The following GLT1D1 variants were observed in gnomAD, a reference collection of about 807,000 sequenced individuals.
GLT1D1 encodes the protein glycosyltransferase 1 domain containing 1.
Under a neutral mutation model 28.7 loss-of-function variants are expected in GLT1D1, and 21 were observed. The ratio of observed to expected loss-of-function variants is 0.73; its 90% CI spans 0.52 to 1.05. The LOEUF is 1.05. Ranked by LOEUF, GLT1D1 falls within the 50% of genes least tolerant of loss-of-function variation. The probability of loss-of-function intolerance (pLI) is 0.00; values close to 1 mark genes in which losing one functional copy is unlikely to be tolerated. For synonymous variants in GLT1D1, 147 were observed against 124.8 expected (o/e 1.18, Z -1.19); for missense variants, 343 against 330.6 (o/e 1.04, Z -0.29).
intron 4 of GLT1D1, 79 bp downstream of exon 6, chr12:128,915,068 C>T (rs894794761): frequency 1.9e-5 from 22 of 1,182,992 alleles, no homozygotes; most frequent in Admixed American, 6.6e-5. Context: ...GACGTTCATG[C>T]GGTTTTGAAA....
At chr12:128,908,508 CTTCCTTCTTTCTTTCT>C (rs1365849648) in intron 4 of GLT1D1, among the ~76,000 whole-genome samples, 3 of 142,692 alleles carry the variant, frequency 2.1e-5, no homozygotes, top group Admixed American at 7.4e-5. Flanking sequence ...TCCTTCCATC[CTTCCTTCTTTCTTTCT>C]TTCCTTCTTT....
intron 7 of GLT1D1, among the ~76,000 whole-genome samples, chr12:128,975,455 TA>T (rs201650702): frequency 7.3e-6 from 1 of 136,400 alleles, no homozygotes; most frequent in South Asian, 2.2e-4. Context: ...TTTTGTTTTT[TA>T]TTTTTTTCTT....
rs140057915 is a variant in GLT1D1 at position 128,931,542 on chromosome 12, C to T, written c.376-13784C>T. Among the ~76,000 whole-genome samples the T allele has an allele frequency of 2.1e-3, 305 of 147,476 alleles. 2 individuals carry two copies. Among genetic ancestry groups the T allele is most frequent in the Middle Eastern group, 8.3e-3 (2 of 242 alleles). On this transcript the variant is annotated intron_variant, in intron 4 of 7. Transcript: ENST00000281703. Reference sequence around the variant, plus strand: ...AGGCTGGTCTCGAACTCCTGACCTCCGGTGATCCGCCTGCCTCGGCCTCCC... The same window carrying T: ...AGGCTGGTCTCGAACTCCTGACCTCTGGTGATCCGCCTGCCTCGGCCTCCC...
At chr12:128,855,063 G>A (rs559090703) in intron 1 of GLT1D1, among the ~76,000 whole-genome samples, 1 of 152,052 alleles carries the variant, frequency 6.6e-6, no homozygotes, top group African/African-American at 2.4e-5. Context: ...GAGGAATGAA[G>A]GAGGTGATTT....
intron 4 of GLT1D1, among the ~76,000 whole-genome samples, chr12:128,908,199 GC>G (rs1566122115): frequency 6.6e-6 from 1 of 151,902 alleles, no homozygotes; most frequent in Non-Finnish European, 1.5e-5. Context: ...GTGAGTCCCC[GC>G]GCCTGGCCGG....
chr12:128,908,573 G>T (rs1213996106), intron 4 of GLT1D1, among the ~76,000 whole-genome samples: 1 of 149,178 alleles, frequency 6.7e-6, no homozygotes, highest in Non-Finnish European at 1.5e-5. Flanking sequence ...TACCCAAGGC[G>T]GAAGACTGGC....
intron 1 of GLT1D1, chr12:128,864,075 C>T (rs906159194): frequency 5.0e-6 from 3 of 602,890 alleles, no homozygotes; most frequent in Non-Finnish European, 9.0e-6. Flanking sequence ...CCGCTGTGTG[C>T]ACTGTGGGCA....
At chr12:128,962,165 A>T (rs144785061) in intron 7 of GLT1D1, among the ~76,000 whole-genome samples, 2 of 151,924 alleles carry the variant, frequency 1.3e-5, no homozygotes, top group African/African-American at 4.8e-5. Flanking sequence ...CTTGTGTCCT[A>T]TGGCGGCCCC....
At chr12:128,886,130 A>G (rs965323988) in intron 2 of GLT1D1, among the ~76,000 whole-genome samples, 6 of 151,976 alleles carry the variant, frequency 3.9e-5, no homozygotes, top group African/African-American at 1.5e-4. Context: ...TGTGCCTTTC[A>G]CCTTTTGCCA....
rs183374460 is a variant in GLT1D1 at position 128,855,796 on chromosome 12, A to G, written c.68+2147A>G. Among the ~76,000 whole-genome samples, 209 of 108,456 alleles carry G rather than the reference A, an allele frequency of 1.9e-3. 1 individual carries two copies. The highest frequency in any genetic ancestry group is 6.7e-3 in the African/African-American group (186 of 27,632). The allele number at this position is 108,456 out of a possible 152,430, so 71.2% of individuals were successfully genotyped here. On this transcript the variant is annotated intron_variant, in intron 1 of 7. Transcript: ENST00000281703. ...GAGACAAAGCTTCATTCTTTCGCCC[A>G]GGCTGGAGTGCAATGGCGGGGTCTC...
At chr12:128,869,262 G>A (rs994344265) in intron 1 of GLT1D1, among the ~76,000 whole-genome samples, 4 of 152,276 alleles carry the variant, frequency 2.6e-5, no homozygotes, top group East Asian at 1.9e-4. Flanking sequence ...GTCTTCCAGG[G>A]CTAAAGCCAT....
intron 4 of GLT1D1, 132 bp downstream of exon 4, chr12:128,899,419 T>C (rs1869995749): frequency 1.4e-6 from 1 of 728,304 alleles, no homozygotes. Context: ...TAGTGTATTA[T>C]GTTTCCCATA....
intron 3 of GLT1D1, among the ~76,000 whole-genome samples, chr12:128,894,849 C>A: frequency 6.6e-6 from 1 of 150,732 alleles, no homozygotes; most frequent in East Asian, 1.9e-4. Flanking sequence ...GACTCCATCT[C>A]AAAATAAATA....
intron 7 of GLT1D1, among the ~76,000 whole-genome samples, chr12:128,962,792 C>G (rs373483520): frequency 1.3e-5 from 2 of 152,102 alleles, no homozygotes; most frequent in South Asian, 2.1e-4. Flanking sequence ...ACCTCTGCCT[C>G]CCGGGTTCAA....
intron 1 of GLT1D1, among the ~76,000 whole-genome samples, chr12:128,860,329 C>T (rs992307767): frequency 1.3e-5 from 2 of 152,210 alleles, no homozygotes; most frequent in Non-Finnish European, 2.9e-5. Flanking sequence ...GGCGTGTTGG[C>T]TGGCACCTGT....
rs201726592 is a variant in GLT1D1, at chr12:128,888,635, G to T, written c.218-4G>T. The T allele has an allele frequency of 1.3e-6, 2 of 1,597,874 alleles. No individual in the cohort carries two copies. Among genetic ancestry groups the T allele is most frequent in the East Asian group, 2.2e-5 (1 of 44,808 alleles). The stretch of plus-strand genomic sequence containing the variant: ...TCTGCTTTGTGACTGTCATCGTTTT[G>T]CAGGCCACCGAATCCCTTTTGGAGT... On this transcript the variant is annotated splice_region_variant and splice_polypyrimidine_tract_variant and intron_variant, in intron 2 of 7. Transcript: ENST00000281703.
At chr12:128,867,438 GA>G (rs140709006) in intron 1 of GLT1D1, among the ~76,000 whole-genome samples, 4 of 133,544 alleles carry the variant, frequency 3.0e-5, no homozygotes, top group African/African-American at 1.1e-4. Flanking sequence ...AAAAGGAAAA[GA>G]AAAAAAAGAG....
intron 6 of GLT1D1, among the ~76,000 whole-genome samples, chr12:128,953,504 A>G (rs1367200174): frequency 6.6e-6 from 1 of 152,038 alleles, no homozygotes; most frequent in Admixed American, 6.5e-5. Context: ...AGGAAGTCCA[A>G]TCTTCCTATT....
chr12:128,893,742 C>T (rs919650929), intron 3 of GLT1D1, among the ~76,000 whole-genome samples: 8 of 152,050 alleles, frequency 5.3e-5, no homozygotes, highest in South Asian at 4.2e-4. Flanking sequence ...TGCACCACCA[C>T]GCCTGGCTAA....
Sources: gnomAD v4.1 joint callset for allele counts (sites outside exome capture counted in the v4.1 genomes callset) on GRCh38, gnomAD v4.1.1 for gene constraint, MANE v1.5 for transcripts, NCBI Gene and HGNC (gene_info 2026-07-23, HGNC 2026-07-21) for gene names.